The following GRIA4 variants were observed in gnomAD, a reference collection of about 807,000 sequenced individuals.
GRIA4 encodes glutamate receptor 4.
A neutral mutation model predicts 104.0 loss-of-function variants in GRIA4; 34 were observed. The ratio of observed to expected loss-of-function variants is 0.33; its 90% CI spans 0.25 to 0.44. GRIA4 has a LOEUF of 0.44. GRIA4 is among the 20% of genes least tolerant of loss of function. The pLI is 1.00. For synonymous variants in GRIA4, 386 were observed against 381.9 expected (o/e 1.01, Z -0.13); for missense variants, 750 against 1,096.5 (o/e 0.68, Z 4.46).
chr11:105,911,883 T>C (rs1040381447), intron 10 of GRIA4: 1 of 1,559,044 alleles, frequency 6.4e-7, no homozygotes. Context: ...CAGCCTCTGA[T>C]GAAGAATCCT....
At chr11:105,761,349 C>T (rs528332816) in intron 4 of GRIA4, among the ~76,000 whole-genome samples, 1 of 152,104 alleles carries the variant, frequency 6.6e-6, no homozygotes, top group Admixed American at 6.5e-5. Context: ...TTTCAATTTT[C>T]CTGCATCCTT....
At chr11:105,926,510 A>T (rs1168168405) in intron 12 of GRIA4, among the ~76,000 whole-genome samples, 1 of 152,116 alleles carries the variant, frequency 6.6e-6, no homozygotes, top group Non-Finnish European at 1.5e-5. Flanking sequence ...TTCTTTAAAC[A>T]ATAAAAAGGA....
intron 14 of GRIA4, among the ~76,000 whole-genome samples, chr11:105,958,122 G>A (rs6591144): frequency 0.56 from 84,717 of 151,940 alleles, 23,645 homozygotes; most frequent in South Asian, 0.62. Flanking sequence ...CTGCCTGATT[G>A]CCCTGGCCAG....
chr11:105,865,734 C>A lies in GRIA4; in HGVS notation c.672+3526C>A, dbSNP rs552623235. Among the ~76,000 whole-genome samples, 31 of 152,268 alleles carry A rather than the reference C, an allele frequency of 2.0e-4. No homozygotes were observed. The South Asian group carries it at 6.2e-3, about 31-fold the overall frequency. On this transcript the variant is annotated intron_variant, in intron 5 of 16. Transcript: ENST00000282499. The stretch of plus-strand genomic sequence containing the variant: ...AGTCCCTATGGATTCTACCTAATAA[C>A]GTTATCAATTGAACATTGAAGTGTC...
chr11:105,879,062 C>T (rs1262363740), intron 5 of GRIA4, among the ~76,000 whole-genome samples: 1 of 152,224 alleles, frequency 6.6e-6, no homozygotes, highest in Non-Finnish European at 1.5e-5. Context: ...GTTGTGAAGA[C>T]TGTGGGAAGA....
intron 3 of GRIA4, among the ~76,000 whole-genome samples, chr11:105,686,102 C>T (rs1952873156): frequency 6.6e-6 from 1 of 151,870 alleles, no homozygotes; most frequent in African/African-American, 2.4e-5. Flanking sequence ...TCAGGAGGTA[C>T]ATATACATGT....
intron 5 of GRIA4, among the ~76,000 whole-genome samples, chr11:105,878,141 G>C (rs1258818413): frequency 6.6e-6 from 1 of 152,176 alleles, no homozygotes; most frequent in African/African-American, 2.4e-5. Flanking sequence ...TTTTCTGTTT[G>C]TTAGTTTTCC....
At chr11:105,933,668 T>C in intron 13 of GRIA4, 54 bp from the exon 14 acceptor site, 1 of 1,327,412 alleles carries the variant, frequency 7.5e-7, no homozygotes, top group Non-Finnish European at 1.0e-6. Flanking sequence ...TCAGCGAATA[T>C]TAACATGTTG....
intron 3 of GRIA4, among the ~76,000 whole-genome samples, chr11:105,688,329 C>A (rs559661648): frequency 1.1e-4 from 17 of 152,172 alleles, no homozygotes; most frequent in African/African-American, 3.1e-4. Flanking sequence ...GAGGCCGAGG[C>A]GGGTGGATCA....
At chr11:105,797,291 G>A (rs953116616) in intron 4 of GRIA4, among the ~76,000 whole-genome samples, 26 of 152,148 alleles carry the variant, frequency 1.7e-4, no homozygotes, top group African/African-American at 5.5e-4. Context: ...GAAAAACAAG[G>A]CGTAAGCAAA....
intron 4 of GRIA4, among the ~76,000 whole-genome samples, chr11:105,757,543 G>A (rs2135707754): frequency 6.6e-6 from 1 of 152,304 alleles, no homozygotes; most frequent in South Asian, 2.1e-4. Context: ...GAAGCCTGCA[G>A]AGGGTTTCCT....
intron 3 of GRIA4, among the ~76,000 whole-genome samples, chr11:105,662,684 T>C (rs1473065583): frequency 6.6e-6 from 1 of 151,934 alleles, no homozygotes; most frequent in Admixed American, 6.6e-5. Context: ...TGGAAAATAA[T>C]ATGTAACAAA....
intron 4 of GRIA4, among the ~76,000 whole-genome samples, chr11:105,753,848 C>G (rs1361145705): frequency 1.3e-5 from 2 of 152,098 alleles, no homozygotes; most frequent in Non-Finnish European, 2.9e-5. Flanking sequence ...GATGAACAGA[C>G]AAATAGAAGA....
At chr11:105,927,450 T>C (rs1330501995) in intron 13 of GRIA4, among the ~76,000 whole-genome samples, 25 of 152,108 alleles carry the variant, frequency 1.6e-4, no homozygotes, top group Non-Finnish European at 1.5e-5. Context: ...CACAAGGTAA[T>C]AACAGCAAGA....
chr11:105,719,803 T>C (rs1181319686), intron 3 of GRIA4, among the ~76,000 whole-genome samples: 1 of 151,488 alleles, frequency 6.6e-6, no homozygotes, highest in Non-Finnish European at 1.5e-5. Flanking sequence ...TGAGTTGGCA[T>C]GAAAATTTTT....
intron 3 of GRIA4, among the ~76,000 whole-genome samples, chr11:105,657,021 G>A (rs1204625860): frequency 7.0e-6 from 1 of 142,428 alleles, no homozygotes; most frequent in East Asian, 2.0e-4. Flanking sequence ...TATTTATAAA[G>A]ATGGGTTTAT....
intron 4 of GRIA4, among the ~76,000 whole-genome samples, chr11:105,795,221 G>T (rs780461337): frequency 4.6e-5 from 7 of 152,126 alleles, no homozygotes; most frequent in Non-Finnish European, 1.0e-4. Flanking sequence ...TGTTTAATAG[G>T]TTAAGGATAC....
At chr11:105,683,657 G>T (rs1211738598) in intron 3 of GRIA4, among the ~76,000 whole-genome samples, 1 of 151,856 alleles carries the variant, frequency 6.6e-6, no homozygotes, top group Non-Finnish European at 1.5e-5. Flanking sequence ...ATAATAAAAT[G>T]TTTACAATGT....
intron 4 of GRIA4, among the ~76,000 whole-genome samples, chr11:105,808,006 T>C (rs112521212): frequency 6.6e-6 from 1 of 151,982 alleles, no homozygotes; most frequent in African/African-American, 2.4e-5. Context: ...TTGATTCTCT[T>C]ATTCTATTTA....
Sources: allele counts gnomAD v4.1 joint callset (sites outside exome capture counted in the v4.1 genomes callset), GRCh38; gene constraint gnomAD v4.1.1; transcripts MANE v1.5; gene names NCBI Gene and HGNC (gene_info 2026-07-23, HGNC 2026-07-21).